ADAMTS18: variants seen among roughly 807,000 people sequenced by gnomAD.
The protein encoded by ADAMTS18 is A disintegrin and metalloproteinase with thrombospondin motifs 18.
ADAMTS18 carries 157 observed loss-of-function variants against 165.9 expected under a neutral mutation model. The ratio of observed to expected loss-of-function variants is 0.95; its 90% CI spans 0.83 to 1.08. The LOEUF (loss-of-function observed/expected upper bound fraction) is 1.08, where lower values mean the gene tolerates loss of function less well. ADAMTS18 is among the 50% of genes least tolerant of loss of function. ADAMTS18 has a pLI of 0.00. For missense variants in ADAMTS18, 2,040 were observed against 1,534.0 expected (o/e 1.33, Z -5.51); for synonymous variants, 782 against 578.2 (o/e 1.35, Z -5.06).
intron 10 of ADAMTS18, among the ~76,000 whole-genome samples, chr16:77,352,430 A>T (rs1247433706): frequency 6.6e-6 from 1 of 152,222 alleles, no homozygotes; most frequent in Non-Finnish European, 1.5e-5. Flanking sequence ...TGTTTTGTTA[A>T]ATTCCACCAT....
At chr16:77,417,704 C>G (rs924322878) in intron 3 of ADAMTS18, among the ~76,000 whole-genome samples, 74 of 152,326 alleles carry the variant, frequency 4.9e-4, no homozygotes, top group African/African-American at 1.7e-3. Flanking sequence ...GCTGCACCCA[C>G]TAACTCATCA....
intron 2 of ADAMTS18, 86 bp downstream of exon 2, chr16:77,434,332 G>C: frequency 1.4e-6 from 2 of 1,467,632 alleles, no homozygotes; most frequent in Non-Finnish European, 1.8e-6. Context: ...TAGGGGGTGC[G>C]CTTTTCCATC....
At position 77,434,754 on chromosome 16, in the gene ADAMTS18, C is replaced by T. The variant is rs2057777199; in HGVS notation, c.-59G>A. 1.5e-6 allele frequency: 2 copies of T among 1,329,516 alleles called. No individual in the cohort carries two copies. The highest frequency in any genetic ancestry group is 1.7e-5 in the South Asian group (1 of 57,346). The allele number at this position is 1,329,516 out of a possible 1,614,324, so 82.4% of individuals were successfully genotyped here. On this transcript the variant is annotated 5_prime_UTR_variant, in exon 1 of 23. Coordinates refer to ENST00000282849, the MANE Select transcript of ADAMTS18 (RefSeq NM_199355.4). ...AGACGCGGCAGGCGGAGCGCACGGG[C>T]GGCGCGCATTCTTTCCGCGGCCCCG...
At chr16:77,421,095 A>G (rs546502805) in intron 3 of ADAMTS18, among the ~76,000 whole-genome samples, 30 of 152,354 alleles carry the variant, frequency 2.0e-4, no homozygotes, top group African/African-American at 6.7e-4. Flanking sequence ...AATTTATATT[A>G]GAAAGCATGC....
chr16:77,375,889 C>CTTT (rs2056943384), intron 3 of ADAMTS18, among the ~76,000 whole-genome samples: 1 of 113,262 alleles, frequency 8.8e-6, no homozygotes, highest in African/African-American at 3.3e-5. Flanking sequence ...TTCTTTCTTT[C>CTTT]CTTTTTTTTT....
chr16:77,282,952 T>G lies in ADAMTS18; in HGVS notation c.*1004A>C, dbSNP rs1168623971. On this transcript the variant is annotated 3_prime_UTR_variant, in exon 23 of 23. Coordinates refer to ENST00000282849, the MANE Select transcript of ADAMTS18 (RefSeq NM_199355.4). ...GCTGTTAGCTCAATCCTAGGGCAAA[T>G]TTAAACGTATCAGTTGGTAGGAAAA... is the stretch of plus-strand genomic sequence containing the variant. 7.4e-6 allele frequency: 1 copy of G among 135,238 alleles called. No homozygotes were observed. Among genetic ancestry groups the G allele is most frequent in the South Asian group, 2.5e-4 (1 of 3,924 alleles). 8.4% of individuals were successfully genotyped at this position (135,238 alleles called of 1,614,324 possible).
chr16:77,328,664 T>C (rs1353375438), intron 12 of ADAMTS18, among the ~76,000 whole-genome samples: 1 of 152,222 alleles, frequency 6.6e-6, no homozygotes, highest in Non-Finnish European at 1.5e-5. Context: ...AGCCTCAATA[T>C]TCCGGTCATC....
At chr16:77,425,969 C>G (rs1339050934) in intron 3 of ADAMTS18, among the ~76,000 whole-genome samples, 1 of 152,052 alleles carries the variant, frequency 6.6e-6, no homozygotes, top group Non-Finnish European at 1.5e-5. Context: ...TTGCTTGAAT[C>G]TGGGAGACAG....
intron 3 of ADAMTS18, among the ~76,000 whole-genome samples, chr16:77,420,973 G>A (rs1471636944): frequency 2.6e-5 from 4 of 152,210 alleles, no homozygotes; most frequent in Admixed American, 2.6e-4. Flanking sequence ...CGGTAAATCA[G>A]CAGAAAGATA....
intron 16 of ADAMTS18, among the ~76,000 whole-genome samples, chr16:77,311,080 T>C (rs994792241): frequency 2.0e-5 from 3 of 151,746 alleles, no homozygotes; most frequent in African/African-American, 7.3e-5. Flanking sequence ...GGGAAGAATA[T>C]GATGTCATAC....
intron 9 of ADAMTS18, among the ~76,000 whole-genome samples, chr16:77,355,202 T>TTG (rs141620918): frequency 0.28 from 40,626 of 146,546 alleles, 5,775 homozygotes; most frequent in East Asian, 0.5. Flanking sequence ...AAAGGTAGGA[T>TTG]TGTGTGTGTG....
chr16:77,355,701 T>C (rs1484753604), intron 9 of ADAMTS18, among the ~76,000 whole-genome samples: 5 of 152,156 alleles, frequency 3.3e-5, no homozygotes, highest in Admixed American at 1.3e-4. Context: ...TTGAGGATAA[T>C]AGTATCGCTG....
rs544164923 is a variant in ADAMTS18, at chr16:77,434,500, G to A, written c.96C>T (p.Leu32=). The change falls in exon 2 of 23, where the codon CTC becomes CTT. Residue 32 remains leucine, a synonymous_variant. Transcript: ENST00000282849. ...ACGCACAGCAGAGGCAGCACAGCTG[G>A]AGCGCCTGCAAGAGAAAAGGTGACA... ...LAGLGRVAKA[L]QLCCLCCASV... is the part of the protein sequence containing the mutation. 1.6e-4 allele frequency: 250 copies of A among 1,560,282 alleles called. 1 individual carries two copies. The South Asian group carries it at 2.2e-3, about 14-fold the overall frequency.
intron 3 of ADAMTS18, among the ~76,000 whole-genome samples, chr16:77,390,026 G>A (rs944039429): frequency 4.6e-5 from 7 of 152,242 alleles, no homozygotes; most frequent in Non-Finnish European, 1.0e-4. Flanking sequence ...AATCTACTAT[G>A]CTCATTAATG....
chr16:77,334,756 T>G lies in ADAMTS18; in HGVS notation c.1859+1000A>C, dbSNP rs1372874996. On this transcript the variant is annotated intron_variant, in intron 12 of 22. Transcript: ENST00000282849. ...ACTATAGTATATATACTGTATACTA[T>G]AGTATACAGTATATATACTATAGTA... Among the ~76,000 whole-genome samples, 73 of 108,326 alleles carry G rather than the reference T, an allele frequency of 6.7e-4. 2 individuals are homozygous for G. The highest frequency in any genetic ancestry group is 2.2e-3 in the African/African-American group (63 of 28,506). 71.1% of individuals were successfully genotyped at this position (108,326 alleles called of 152,430 possible).
intron 16 of ADAMTS18, among the ~76,000 whole-genome samples, chr16:77,309,492 G>C (rs1435179410): frequency 6.6e-6 from 1 of 152,076 alleles, no homozygotes; most frequent in African/African-American, 2.4e-5. Flanking sequence ...TAGAACCAAG[G>C]ACCCAAGGAG....
At chr16:77,314,724 A>C (rs1331127577) in intron 16 of ADAMTS18, among the ~76,000 whole-genome samples, 1 of 105,950 alleles carries the variant, frequency 9.4e-6, no homozygotes, top group Non-Finnish European at 1.9e-5. Flanking sequence ...ACTTGTGATC[A>C]CCAGTTTGCT....
intron 3 of ADAMTS18, among the ~76,000 whole-genome samples, chr16:77,395,931 G>A (rs1487347884): frequency 1.3e-5 from 2 of 152,164 alleles, no homozygotes; most frequent in African/African-American, 4.8e-5. Flanking sequence ...ATTTTCTAAT[G>A]TTTTTGAAGC....
At chr16:77,432,920 G>A (rs778838927) in intron 2 of ADAMTS18, among the ~76,000 whole-genome samples, 1 of 151,994 alleles carries the variant, frequency 6.6e-6, no homozygotes, top group Non-Finnish European at 1.5e-5. Flanking sequence ...TATTCCTTGG[G>A]CAGCTTTCAT....
Sources: gnomAD v4.1 joint callset for allele counts (sites outside exome capture counted in the v4.1 genomes callset) on GRCh38, gnomAD v4.1.1 for gene constraint, MANE v1.5 for transcripts, NCBI Gene and HGNC (gene_info 2026-07-23, HGNC 2026-07-21) for gene names.